Variants in STXBP5L observed in about 807,000 individuals in gnomAD.
STXBP5L encodes syntaxin binding protein 5L, also known as syntaxin-binding protein 5-like.
Under a neutral mutation model 144.5 loss-of-function variants are expected in STXBP5L, and 65 were observed. That is an observed-to-expected ratio of 0.45 (90% CI 0.37 to 0.55). The LOEUF is 0.55. Ranked by LOEUF, STXBP5L falls within the 20% of genes least tolerant of loss-of-function variation. The probability of loss-of-function intolerance (pLI) is 0.00; values close to 1 mark genes in which losing one functional copy is unlikely to be tolerated. For missense variants in STXBP5L, 1,298 were observed against 1,405.5 expected (o/e 0.92, Z 1.22); for synonymous variants, 505 against 469.6 (o/e 1.08, Z -0.97).
chr3:121,130,173 A>C (rs932070677), intron 7 of STXBP5L, among the ~76,000 whole-genome samples: 16 of 152,056 alleles, frequency 1.1e-4, no homozygotes, highest in African/African-American at 3.9e-4. Context: ...GATTTTATAG[A>C]TCTGATAAAA....
At chr3:121,112,365 C>T (rs1311459803) in intron 5 of STXBP5L, among the ~76,000 whole-genome samples, 1 of 152,170 alleles carries the variant, frequency 6.6e-6, no homozygotes, top group Admixed American at 6.5e-5. Flanking sequence ...GTAGCACACT[C>T]ACCACCTTGC....
At position 120,988,475 on chromosome 3, in the gene STXBP5L, C is replaced by G. The variant is rs973327605; in HGVS notation, c.287+33438C>G. On this transcript the variant is annotated intron_variant, in intron 3 of 26. Transcript: ENST00000471454. The stretch of plus-strand genomic sequence containing the variant: ...GTTAAGAAAAAACACTCTGCTTCAC[C>G]TCAATTGTTTTAAATTTTAAAGTTT... 8.6e-5 allele frequency among the ~76,000 whole-genome samples: 13 copies of G among 151,958 alleles called. 1 individual carries two copies. The highest frequency in any genetic ancestry group is 7.9e-4 in the Admixed American group (12 of 15,244).
chr3:121,062,256 G>A lies in STXBP5L; in HGVS notation c.470+16721G>A, dbSNP rs759456914. 2.0e-5 allele frequency among the ~76,000 whole-genome samples: 3 copies of A among 152,282 alleles called. No homozygotes were observed. The South Asian group carries it at 6.2e-4, about 32-fold the overall frequency. ...TATTTCCCTTTGCTTATGAAGCTTA[G>A]TTTGGCTGGATATGAAATTATGGGT... On this transcript the variant is annotated intron_variant, in intron 5 of 26. Coordinates refer to ENST00000471454, the MANE Select transcript of STXBP5L (RefSeq NM_001308330.2).
chr3:121,395,998 T>G (rs1209253899), intron 22 of STXBP5L, among the ~76,000 whole-genome samples: 4 of 152,250 alleles, frequency 2.6e-5, no homozygotes, highest in African/African-American at 9.6e-5. Flanking sequence ...AATTGGCTGT[T>G]GATTTTGGCC....
chr3:121,095,599 T>C (rs1202238022), intron 5 of STXBP5L, among the ~76,000 whole-genome samples: 1 of 152,236 alleles, frequency 6.6e-6, no homozygotes. Context: ...GCTTGTGCAT[T>C]CATCATATAG....
chr3:121,142,291 G>C (rs1577053027), intron 7 of STXBP5L, among the ~76,000 whole-genome samples: 1 of 152,006 alleles, frequency 6.6e-6, no homozygotes, highest in South Asian at 2.1e-4. Flanking sequence ...GGGAGAAATA[G>C]ATAGCAATGC....
chr3:121,202,555 C>CT (rs1438431921), intron 9 of STXBP5L, among the ~76,000 whole-genome samples: 2 of 151,986 alleles, frequency 1.3e-5, no homozygotes, highest in Admixed American at 1.3e-4. Context: ...GCCTGAAGGA[C>CT]TTTTTTTAGT....
intron 19 of STXBP5L, among the ~76,000 whole-genome samples, chr3:121,302,490 A>C (rs1211730981): frequency 6.6e-6 from 1 of 152,094 alleles, no homozygotes; most frequent in Non-Finnish European, 1.5e-5. Flanking sequence ...TTTTCCAAAA[A>C]CCAGCTCTTG....
chr3:121,001,408 G>A (rs1241372470), intron 3 of STXBP5L, among the ~76,000 whole-genome samples: 3 of 152,174 alleles, frequency 2.0e-5, no homozygotes, highest in Admixed American at 2.0e-4. Context: ...AGGCACGATA[G>A]CTCTGTTCTG....
intron 9 of STXBP5L, among the ~76,000 whole-genome samples, chr3:121,168,594 A>G (rs1284967056): frequency 6.6e-6 from 1 of 152,206 alleles, no homozygotes; most frequent in African/African-American, 2.4e-5. Flanking sequence ...GATAACAGAG[A>G]TTGAAGATCA....
At chr3:121,288,830 G>A (rs746434121) in intron 19 of STXBP5L, among the ~76,000 whole-genome samples, 31 of 152,186 alleles carry the variant, frequency 2.0e-4, no homozygotes, top group Admixed American at 7.9e-4. Context: ...CTGTGCTCAA[G>A]CTATTTAGTT....
chr3:121,216,315 C>A (rs1216172970), intron 10 of STXBP5L, among the ~76,000 whole-genome samples: 1 of 152,100 alleles, frequency 6.6e-6, no homozygotes, highest in Non-Finnish European at 1.5e-5. Flanking sequence ...TTTGTCTCAT[C>A]TTCATGGATT....
chr3:121,328,336 A>G (rs58491112), intron 20 of STXBP5L, among the ~76,000 whole-genome samples: 19,045 of 152,234 alleles, frequency 0.13, 1,587 homozygotes, highest in East Asian at 0.48. Flanking sequence ...AGTACAGACA[A>G]TTGTTATCCT....
At chr3:120,969,008 G>T (rs1310026163) in intron 3 of STXBP5L, among the ~76,000 whole-genome samples, 4 of 152,048 alleles carry the variant, frequency 2.6e-5, no homozygotes, top group Non-Finnish European at 4.4e-5. Flanking sequence ...AAACGTGTGT[G>T]CATGCATCTT....
chr3:120,966,184 C>A (rs947200605), intron 3 of STXBP5L, among the ~76,000 whole-genome samples: 1 of 152,194 alleles, frequency 6.6e-6, no homozygotes, highest in Non-Finnish European at 1.5e-5. Context: ...TTCATCTTAT[C>A]TTTTGTCAAG....
At chr3:121,234,831 A>C (rs2049422339) in intron 12 of STXBP5L, among the ~76,000 whole-genome samples, 1 of 151,912 alleles carries the variant, frequency 6.6e-6, no homozygotes, top group Admixed American at 6.6e-5. Context: ...TTCTTCTAAG[A>C]AGTTCTAATA....
chr3:121,256,959 T>C lies in STXBP5L; in HGVS notation c.1660-202T>C, dbSNP rs556322694. Among the ~76,000 whole-genome samples, 461 of 152,172 alleles carry C rather than the reference T, an allele frequency of 3.0e-3. 3 individuals carry two copies. Among genetic ancestry groups the C allele is most frequent in the African/African-American group, 0.01 (430 of 41,564 alleles). Reference sequence around the variant, plus strand: ...TGTGATTGCCATTGAATATTCCATATAATTAACTATTTGATTTAGTATGAG... The same window carrying C: ...TGTGATTGCCATTGAATATTCCATACAATTAACTATTTGATTTAGTATGAG... On this transcript the variant is annotated intron_variant, in intron 16 of 26. Transcript: ENST00000471454.
intron 5 of STXBP5L, among the ~76,000 whole-genome samples, chr3:121,078,897 A>G (rs1467642932): frequency 6.6e-6 from 1 of 152,128 alleles, no homozygotes; most frequent in Non-Finnish European, 1.5e-5. Context: ...GCTGGCCCGC[A>G]ATTGCCACGC....
At chr3:121,082,780 G>T (rs1177297623) in intron 5 of STXBP5L, among the ~76,000 whole-genome samples, 1 of 152,092 alleles carries the variant, frequency 6.6e-6, no homozygotes, top group East Asian at 1.9e-4. Flanking sequence ...TTCTGTTTCA[G>T]CTTGTTATTT....
Sources: gnomAD v4.1 joint callset for allele counts (sites outside exome capture counted in the v4.1 genomes callset) on GRCh38, gnomAD v4.1.1 for gene constraint, MANE v1.5 for transcripts, NCBI Gene and HGNC (gene_info 2026-07-23, HGNC 2026-07-21) for gene names.